The following THSD7B variants were observed in gnomAD, a reference collection of about 807,000 sequenced individuals.
THSD7B encodes thrombospondin type 1 domain containing 7B.
THSD7B carries 138 observed loss-of-function variants against 213.6 expected under a neutral mutation model. The observed-to-expected ratio is 0.65, with a 90% CI of 0.56 to 0.74. The LOEUF is 0.74. THSD7B is among the 30% of genes least tolerant of loss of function. The pLI is 0.00. For missense variants in THSD7B, 1,931 were observed against 1,991.5 expected, an observed-to-expected ratio of 0.97 and a Z score of 0.58; for synonymous variants, 742 against 687.0, an observed-to-expected ratio of 1.08 and a Z score of -1.25.
intron 14 of THSD7B, among the ~76,000 whole-genome samples, chr2:137,447,667 C>CT (rs764641358): frequency 1.4e-5 from 2 of 143,330 alleles, no homozygotes; most frequent in Non-Finnish European, 3.1e-5. Context: ...CCAGAAGGAT[C>CT]TTTTCTGATG....
At chr2:137,343,929 A>T (rs1216280044) in intron 12 of THSD7B, among the ~76,000 whole-genome samples, 19 of 151,798 alleles carry the variant, frequency 1.3e-4, no homozygotes, top group Non-Finnish European at 3.0e-5. Flanking sequence ...GGAAGCACTA[A>T]TCTCAAATAC....
intron 2 of THSD7B, among the ~76,000 whole-genome samples, chr2:136,960,920 T>C (rs1259681756): frequency 6.6e-6 from 1 of 151,554 alleles, no homozygotes; most frequent in Non-Finnish European, 1.5e-5. Context: ...AAACCTCGTC[T>C]CTACTAAAAA....
intron 1 of THSD7B, among the ~76,000 whole-genome samples, chr2:136,793,104 T>C (rs1212414171): frequency 2.6e-5 from 4 of 152,064 alleles, no homozygotes; most frequent in Non-Finnish European, 5.9e-5. Context: ...GTAAATAATA[T>C]ATGAGTGGAA....
Position 137,336,271 on chromosome 2 carries a change from A to G in THSD7B, c.2500+60245A>G, listed in dbSNP as rs572458522. 3.9e-5 allele frequency among the ~76,000 whole-genome samples: 6 copies of G among 152,326 alleles called. No homozygotes were observed. In the South Asian group the frequency reaches 1.2e-3, roughly 32 times the overall value. ...AAGCTGCAATAAAAAGTGCTGATGC[A>G]GGAAAAACCAGTAAGTTACCTGCTT... is the stretch of plus-strand genomic sequence containing the variant. On this transcript the variant is annotated intron_variant, in intron 12 of 27. Coordinates refer to ENST00000409968, the MANE Select transcript of THSD7B (RefSeq NM_001316349.2).
At chr2:137,265,641 T>C (rs186525831) in intron 10 of THSD7B, among the ~76,000 whole-genome samples, 284 of 152,264 alleles carry the variant, frequency 1.9e-3, no homozygotes, top group Non-Finnish European at 3.0e-3. Context: ...AGTGATCCTG[T>C]TGAGTAGATA....
At chr2:137,467,331 T>C (rs866216492) in intron 15 of THSD7B, among the ~76,000 whole-genome samples, 23 of 152,106 alleles carry the variant, frequency 1.5e-4, no homozygotes, top group African/African-American at 4.8e-4. Flanking sequence ...TATATACTGG[T>C]GTGGGAGGGC....
At chr2:137,365,894 T>C (rs1202155409) in intron 12 of THSD7B, among the ~76,000 whole-genome samples, 1 of 152,224 alleles carries the variant, frequency 6.6e-6, no homozygotes, top group Non-Finnish European at 1.5e-5. Context: ...TTACTGGGTA[T>C]ATACCCAAAG....
At chr2:137,087,287 C>T (rs988800719) in intron 3 of THSD7B, among the ~76,000 whole-genome samples, 2 of 152,272 alleles carry the variant, frequency 1.3e-5, no homozygotes, top group South Asian at 2.1e-4. Context: ...CTCACCACTC[C>T]TCTTCACATA....
At chr2:137,212,659 C>CA (rs11327803) in intron 7 of THSD7B, among the ~76,000 whole-genome samples, 4 of 151,550 alleles carry the variant, frequency 2.6e-5, no homozygotes, top group Non-Finnish European at 5.9e-5. Context: ...TTAGTGCACA[C>CA]AAAAAAAATA....
At chr2:136,852,968 C>G (rs780419447) in intron 1 of THSD7B, among the ~76,000 whole-genome samples, 1 of 152,138 alleles carries the variant, frequency 6.6e-6, no homozygotes, top group African/African-American at 2.4e-5. Context: ...CTTCCTATCA[C>G]TCAGTTTCCC....
At chr2:137,132,368 AT>A (rs5834534) in intron 5 of THSD7B, among the ~76,000 whole-genome samples, 81,221 of 148,850 alleles carry the variant, frequency 0.55, 22,575 homozygotes, top group Non-Finnish European at 0.6. Flanking sequence ...AGGGTATTCA[AT>A]TTTTTTTTTT....
intron 15 of THSD7B, among the ~76,000 whole-genome samples, chr2:137,518,275 C>G (rs561938170): frequency 2.3e-4 from 35 of 152,110 alleles, no homozygotes; most frequent in Non-Finnish European, 4.7e-4. Flanking sequence ...CCTGCACCAC[C>G]CGAAAGTGGA....
At chr2:137,333,184 C>A (rs1017592534) in intron 12 of THSD7B, among the ~76,000 whole-genome samples, 1 of 152,108 alleles carries the variant, frequency 6.6e-6, no homozygotes, top group Non-Finnish European at 1.5e-5. Flanking sequence ...GGACGTCTAA[C>A]CCCCTTCATC....
chr2:136,969,511 AT>A (rs932702314), intron 2 of THSD7B, among the ~76,000 whole-genome samples: 1 of 152,164 alleles, frequency 6.6e-6, no homozygotes, highest in Non-Finnish European at 1.5e-5. Context: ...TCTCGAAAAT[AT>A]TTTTTGAATG....
intron 1 of THSD7B, among the ~76,000 whole-genome samples, chr2:136,790,077 G>C (rs1342903608): frequency 1.3e-5 from 2 of 151,302 alleles, no homozygotes; most frequent in African/African-American, 4.9e-5. Flanking sequence ...ACTCTCTGTG[G>C]TCTCCTAGTG....
intron 15 of THSD7B, among the ~76,000 whole-genome samples, chr2:137,465,996 TG>T (rs1270174996): frequency 6.6e-6 from 1 of 152,106 alleles, no homozygotes; most frequent in Non-Finnish European, 1.5e-5. Flanking sequence ...TGGCACGATA[TG>T]GTGGTAAATA....
At chr2:137,123,114 G>C (rs947026249) in intron 5 of THSD7B, among the ~76,000 whole-genome samples, 1 of 151,998 alleles carries the variant, frequency 6.6e-6, no homozygotes, top group Non-Finnish European at 1.5e-5. Flanking sequence ...TCCTTGGCTC[G>C]TGCTGTGTGG....
intron 20 of THSD7B, among the ~76,000 whole-genome samples, chr2:137,623,190 A>C (rs1229524629): frequency 6.6e-6 from 1 of 152,204 alleles, no homozygotes; most frequent in Non-Finnish European, 1.5e-5. Context: ...GAATCAATAA[A>C]CATAATTCAT....
At chr2:136,917,204 A>G (rs1436492410) in intron 2 of THSD7B, among the ~76,000 whole-genome samples, 3 of 152,142 alleles carry the variant, frequency 2.0e-5, no homozygotes, top group African/African-American at 7.2e-5. Context: ...ACCCCAGCTT[A>G]TTAATTTGGC....
Sources: allele counts gnomAD v4.1 joint callset (sites outside exome capture counted in the v4.1 genomes callset), GRCh38; gene constraint gnomAD v4.1.1; transcripts MANE v1.5; gene names NCBI Gene and HGNC (gene_info 2026-07-23, HGNC 2026-07-21).